Variants in ATP8A2 observed in about 807,000 individuals in gnomAD.
The protein encoded by ATP8A2 is ATPase phospholipid transporting 8A2, also known as phospholipid-transporting ATPase IB.
Under a neutral mutation model 165.6 loss-of-function variants are expected in ATP8A2, and 100 were observed. The observed-to-expected ratio is 0.60, with a 90% CI of 0.51 to 0.71. The LOEUF is 0.71. Among genes scored for constraint, ATP8A2 ranks in the 30% least tolerant of loss-of-function variants. ATP8A2 has a pLI of 0.00. For synonymous variants in ATP8A2, 543 were observed against 548.8 expected (o/e 0.99, Z 0.15); for missense variants, 1,227 against 1,479.5 (o/e 0.83, Z 2.80).
chr13:25,397,520 G>A (rs192856164), intron 1 of ATP8A2, among the ~76,000 whole-genome samples: 312 of 152,150 alleles, frequency 2.1e-3, no homozygotes, highest in Non-Finnish European at 3.5e-3. Flanking sequence ...ACTCCAGGAC[G>A]GGCTGCTTGC....
chr13:25,674,199 G>A (rs970597629), intron 24 of ATP8A2, among the ~76,000 whole-genome samples: 1 of 152,062 alleles, frequency 6.6e-6, no homozygotes, highest in Non-Finnish European at 1.5e-5. Context: ...CCCTGTTTAG[G>A]CTAGTGTGAA....
intron 1 of ATP8A2, among the ~76,000 whole-genome samples, chr13:25,428,897 C>T (rs1361210865): frequency 6.6e-6 from 1 of 152,144 alleles, no homozygotes; most frequent in African/African-American, 2.4e-5. Context: ...GTCACTTCTG[C>T]TCAAGTCCCC....
intron 24 of ATP8A2, among the ~76,000 whole-genome samples, chr13:25,666,532 G>T (rs563314803): frequency 2.0e-5 from 3 of 152,150 alleles, no homozygotes; most frequent in Admixed American, 6.5e-5. Context: ...GAGTCACCAC[G>T]CCCGGCCAGA....
chr13:25,802,889 G>A (rs763343087), intron 27 of ATP8A2, among the ~76,000 whole-genome samples: 15 of 151,478 alleles, frequency 9.9e-5, no homozygotes, highest in Non-Finnish European at 1.5e-4. Flanking sequence ...TGAAATATGC[G>A]CACAGAAAAT....
chr13:25,580,086 A>G, intron 22 of ATP8A2, 139 bp downstream of exon 22: 1 of 1,031,998 alleles, frequency 9.7e-7, no homozygotes, highest in South Asian at 2.1e-5. Flanking sequence ...GCTCTGAATC[A>G]TTTTCTTTGC....
intron 33 of ATP8A2, among the ~76,000 whole-genome samples, chr13:25,891,613 T>C (rs369345589): frequency 2.0e-5 from 3 of 152,154 alleles, no homozygotes; most frequent in Admixed American, 6.5e-5. Flanking sequence ...TGCGAGCCAC[T>C]GTGCCCGGCC....
intron 24 of ATP8A2, among the ~76,000 whole-genome samples, chr13:25,663,662 T>C (rs1001447870): frequency 1.3e-4 from 20 of 152,312 alleles, no homozygotes; most frequent in African/African-American, 4.1e-4. Context: ...TTGGGTGATA[T>C]ATAGAGATGA....
chr13:25,769,659 C>T (rs2044576003), intron 26 of ATP8A2, among the ~76,000 whole-genome samples: 1 of 148,280 alleles, frequency 6.7e-6, no homozygotes, highest in African/African-American at 2.5e-5. Context: ...GTTGGGACAC[C>T]CCCTGGCTAG....
rs149917738 is a variant in ATP8A2, at chr13:25,561,087, G to A, written c.1397+1322G>A. On this transcript the variant is annotated intron_variant, in intron 15 of 36. Coordinates refer to ENST00000381655, the MANE Select transcript of ATP8A2 (RefSeq NM_016529.6). ...ATTTTTAGTAGAGCGGGGTTTCACC[G>A]TGTTAGCCAGGATGGTCTTGATCTC... Among the ~76,000 whole-genome samples, 1,134 of 152,028 alleles carry A rather than the reference G, an allele frequency of 7.5e-3. 14 individuals carry two copies. The highest frequency in any genetic ancestry group is 0.025 in the African/African-American group (1,031 of 41,484).
intron 1 of ATP8A2, among the ~76,000 whole-genome samples, chr13:25,399,467 C>T (rs1443780039): frequency 2.6e-5 from 3 of 117,360 alleles, no homozygotes; most frequent in Admixed American, 1.1e-4. Flanking sequence ...GGCGGGATCT[C>T]GGCTCACTGC....
intron 23 of ATP8A2, among the ~76,000 whole-genome samples, chr13:25,585,593 T>A (rs2039899471): frequency 1.3e-5 from 2 of 152,238 alleles, no homozygotes; most frequent in African/African-American, 4.8e-5. Flanking sequence ...GTTTATTTTT[T>A]AAATTTTAAT....
At chr13:25,651,303 C>T (rs529183721) in intron 24 of ATP8A2, among the ~76,000 whole-genome samples, 5 of 152,092 alleles carry the variant, frequency 3.3e-5, no homozygotes, top group East Asian at 1.9e-4. Flanking sequence ...ATTAGCTGGT[C>T]GTGGTGGCGT....
chr13:25,539,782 C>T (rs1176873665), intron 7 of ATP8A2, among the ~76,000 whole-genome samples: 1 of 151,954 alleles, frequency 6.6e-6, no homozygotes, highest in Non-Finnish European at 1.5e-5. Context: ...TTTTATTTTT[C>T]GAGTTTTCTA....
chr13:25,866,615 A>G (rs1393489147), intron 33 of ATP8A2, among the ~76,000 whole-genome samples: 4 of 152,142 alleles, frequency 2.6e-5, no homozygotes, highest in Non-Finnish European at 5.9e-5. Flanking sequence ...ACGTACACAC[A>G]CAGAGACACA....
intron 36 of ATP8A2, among the ~76,000 whole-genome samples, chr13:26,015,853 T>C (rs879824871): frequency 6.6e-6 from 1 of 152,126 alleles, no homozygotes; most frequent in African/African-American, 2.4e-5. Context: ...TGAGTGAAAG[T>C]AGGGAGTGCA....
chr13:25,994,258 A>G (rs1305186799), intron 35 of ATP8A2, among the ~76,000 whole-genome samples: 2 of 152,044 alleles, frequency 1.3e-5, no homozygotes, highest in African/African-American at 2.4e-5. Flanking sequence ...ATATATATAC[A>G]TATTTATGTG....
At chr13:25,478,233 G>A (rs1290279844) in intron 2 of ATP8A2, among the ~76,000 whole-genome samples, 2 of 152,006 alleles carry the variant, frequency 1.3e-5, no homozygotes, top group Admixed American at 1.3e-4. Flanking sequence ...CATAATGTCT[G>A]ATCTAGTTGC....
At chr13:25,828,955 G>A (rs758966417) in intron 28 of ATP8A2, among the ~76,000 whole-genome samples, 3 of 152,242 alleles carry the variant, frequency 2.0e-5, no homozygotes, top group Admixed American at 6.5e-5. Flanking sequence ...ACTCTGCTCC[G>A]TGGGAATTTA....
intron 25 of ATP8A2, among the ~76,000 whole-genome samples, chr13:25,757,609 C>T (rs187407872): frequency 3.3e-5 from 5 of 152,112 alleles, no homozygotes; most frequent in East Asian, 1.9e-4. Context: ...CACACTCAGT[C>T]GCAGTTGGGT....
Sources: gnomAD v4.1 joint callset for allele counts (sites outside exome capture counted in the v4.1 genomes callset) on GRCh38, gnomAD v4.1.1 for gene constraint, MANE v1.5 for transcripts, NCBI Gene and HGNC (gene_info 2026-07-23, HGNC 2026-07-21) for gene names.